DGKH: variants seen among roughly 807,000 people sequenced by gnomAD.
DGKH encodes diacylglycerol kinase eta.
Under a neutral mutation model 159.3 loss-of-function variants are expected in DGKH, and 90 were observed. The observed-to-expected ratio is 0.57, with a 90% CI of 0.48 to 0.67. The LOEUF is 0.67. Among genes scored for constraint, DGKH ranks in the 30% least tolerant of loss-of-function variants. The probability of loss-of-function intolerance (pLI) is 0.00; values close to 1 mark genes in which losing one functional copy is unlikely to be tolerated. For synonymous variants in DGKH, 536 were observed against 553.8 expected, an observed-to-expected ratio of 0.97 and a Z score of 0.45; for missense variants, 1,181 against 1,506.1, an observed-to-expected ratio of 0.78 and a Z score of 3.57.
At chr13:42,226,499 A>G (rs1438887537) in intron 29 of DGKH, among the ~76,000 whole-genome samples, 1 of 152,220 alleles carries the variant, frequency 6.6e-6, no homozygotes, top group South Asian at 2.1e-4. Context: ...ATGCACACAT[A>G]TGTTCATTGC....
intron 1 of DGKH, among the ~76,000 whole-genome samples, chr13:42,101,384 T>C (rs1007110927): frequency 2.6e-5 from 4 of 152,358 alleles, no homozygotes; most frequent in African/African-American, 9.6e-5. Flanking sequence ...CTGTGCTGTC[T>C]AGTACAGTAG....
chr13:42,103,591 G>A (rs1026112604), intron 1 of DGKH, among the ~76,000 whole-genome samples: 1 of 152,104 alleles, frequency 6.6e-6, no homozygotes, highest in African/African-American at 2.4e-5. Flanking sequence ...CAGAAAAAGG[G>A]TTCTCTCTTG....
chr13:42,153,277 T>C (rs1053954002), intron 3 of DGKH, among the ~76,000 whole-genome samples: 1 of 152,236 alleles, frequency 6.6e-6, no homozygotes, highest in Non-Finnish European at 1.5e-5. Context: ...TTTATCCTTC[T>C]TTCTCCCCTT....
At chr13:42,216,840 C>T (rs985815129) in intron 26 of DGKH, among the ~76,000 whole-genome samples, 3 of 152,158 alleles carry the variant, frequency 2.0e-5, no homozygotes, top group African/African-American at 7.2e-5. Flanking sequence ...TGTTTTTAAC[C>T]AGAATCTTCT....
Position 42,159,252 on chromosome 13 carries a change from T to TTTTTTTTTTTTTTTTTTTTG in DGKH, c.623-3_623-2insTTTTTTTTGTTTTTTTTTTT. 1 of 919,870 alleles carries TTTTTTTTTTTTTTTTTTTTG rather than the reference T, an allele frequency of 1.1e-6. No homozygotes were observed. The highest frequency in any genetic ancestry group is 1.5e-6 in the Non-Finnish European group (1 of 649,150). 57.0% of individuals were successfully genotyped at this position (919,870 alleles called of 1,614,324 possible). On this transcript the variant is annotated splice_polypyrimidine_tract_variant and intron_variant, in intron 5 of 29. Transcript: ENST00000337343. ...ACTTAAAAGCAGTTGCTCTTTTTTT[T>TTTTTTTTTTTTTTTTTTTTG]TTTTTTTTTTTAGTGTGTAAATTCA...
Position 42,159,272 on chromosome 13 carries a change from A to AATTCAAG in DGKH, c.630_636dup (p.Ala213IlefsTer14), listed in dbSNP as rs747306791. 4.9e-6 allele frequency: 1 copy of AATTCAAG among 205,808 alleles called. No individual in the cohort carries two copies. 12.7% of individuals were successfully genotyped at this position (205,808 alleles called of 1,614,324 possible). The stretch of plus-strand genomic sequence containing the variant: ...TTTTTTTTTTTTTTTTTAGTGTGTA[A>AATTCAAG]ATTCAAGGCTCACAAAAGATGTGCA... On this transcript the variant is annotated frameshift_variant, in exon 6 of 30. Coordinates refer to ENST00000337343, the MANE Select transcript of DGKH (RefSeq NM_178009.5). LOFTEE classifies it high-confidence loss of function.
Position 42,242,003 on chromosome 13 carries a change from C to T in DGKH, c.*12815C>T, listed in dbSNP as rs1377218846. On this transcript the variant is annotated 3_prime_UTR_variant, in exon 30 of 30. Transcript: ENST00000337343. ...AGGCATATTTTGAAGTCATTGTTTT[C>T]CATCAGTATTAAGTATCATCCATTT... 2 of 152,118 alleles carry T rather than the reference C, an allele frequency of 1.3e-5. No homozygotes were observed. Among genetic ancestry groups the T allele is most frequent in the African/African-American group, 2.4e-5 (1 of 41,424 alleles). 9.4% of individuals were successfully genotyped at this position (152,118 alleles called of 1,614,324 possible). A position where few individuals can be genotyped will look rare whatever the true frequency, so the allele number is the denominator to read the frequency against.
chr13:42,111,082 A>C (rs1030279389), intron 1 of DGKH, among the ~76,000 whole-genome samples: 14 of 152,230 alleles, frequency 9.2e-5, no homozygotes, highest in Non-Finnish European at 2.1e-4. Context: ...AGAAAAATAC[A>C]TTCAGAAACT....
intron 1 of DGKH, among the ~76,000 whole-genome samples, chr13:42,126,705 A>G (rs656490): frequency 0.37 from 56,598 of 151,924 alleles, 10,979 homozygotes; most frequent in African/African-American, 0.45. Context: ...TCAAATATCC[A>G]TGTTGTTTTA....
chr13:42,073,005 A>AT (rs1376713469), intron 1 of DGKH, among the ~76,000 whole-genome samples: 1 of 151,862 alleles, frequency 6.6e-6, no homozygotes, highest in African/African-American at 2.4e-5. Context: ...ATATTTGTCT[A>AT]TTTTTTTCCC....
At chr13:42,076,395 T>A (rs1954100729) in intron 1 of DGKH, among the ~76,000 whole-genome samples, 1 of 152,206 alleles carries the variant, frequency 6.6e-6, no homozygotes, top group Non-Finnish European at 1.5e-5. Flanking sequence ...CCTGTCATAT[T>A]CTTGTCACGC....
chr13:42,215,517 TG>T, intron 25 of DGKH, 57 bp from the exon 26 acceptor site: 1 of 1,269,070 alleles, frequency 7.9e-7, no homozygotes, highest in Non-Finnish European at 1.1e-6. Flanking sequence ...AAAGTGTTTA[TG>T]GTAATGAAAT....
At chr13:42,155,564 A>T in intron 4 of DGKH, 103 bp from the exon 5 acceptor site, 4 of 1,567,908 alleles carry the variant, frequency 2.6e-6, no homozygotes, top group Non-Finnish European at 3.5e-6. Context: ...TTTAAAAATG[A>T]TGGATTTGAA....
At chr13:42,108,489 G>A (rs117889227) in intron 1 of DGKH, among the ~76,000 whole-genome samples, 3,276 of 152,280 alleles carry the variant, frequency 0.022, 49 homozygotes, top group Middle Eastern at 0.048. Context: ...TTTACCCAGT[G>A]CCGTGTAGTT....
chr13:42,113,452 A>C (rs1954905947), intron 1 of DGKH, among the ~76,000 whole-genome samples: 1 of 152,328 alleles, frequency 6.6e-6, no homozygotes, highest in African/African-American at 2.4e-5. Context: ...CAACTGGCTT[A>C]TTTAATAGAG....
chr13:42,168,193 T>A (rs539631721), intron 9 of DGKH, among the ~76,000 whole-genome samples: 2 of 152,338 alleles, frequency 1.3e-5, no homozygotes, highest in South Asian at 4.1e-4. Context: ...CTTTTTTGTT[T>A]TCTCATTTCT....
In DGKH at chr13:42,229,176, G is replaced by A; in HGVS notation, c.3651G>A (p.Gln1217=). 6.2e-7 allele frequency: 1 copy of A among 1,609,426 alleles called. No individual in the cohort carries two copies. The highest frequency in any genetic ancestry group is 8.5e-7 in the Non-Finnish European group (1 of 1,178,782). The change falls in exon 30 of 30, where the codon CAG becomes CAA. Residue 1217 remains glutamine, a synonymous_variant. Transcript: ENST00000337343. ...GIKELGRSTP[Q]SEV Reference sequence around the variant, plus strand: ...AAGAGCTTGGAAGGAGCACTCCACAGTCGGAGGTGTAATCATATTGGTGCT... The same window carrying A: ...AAGAGCTTGGAAGGAGCACTCCACAATCGGAGGTGTAATCATATTGGTGCT...
intron 3 of DGKH, among the ~76,000 whole-genome samples, chr13:42,151,607 A>ACG (rs1955903393): frequency 7.5e-6 from 1 of 132,640 alleles, no homozygotes; most frequent in Non-Finnish European, 1.7e-5. Context: ...ACACACACAC[A>ACG]CACACACCCC....
Position 42,076,470 on chromosome 13 carries a change from A to G in DGKH, c.192+27505A>G, listed in dbSNP as rs530902608. 4.4e-4 allele frequency among the ~76,000 whole-genome samples: 67 copies of G among 152,276 alleles called. 1 individual carries two copies. The South Asian group carries it at 0.013, about 31-fold the overall frequency. On this transcript the variant is annotated intron_variant, in intron 1 of 29. Coordinates refer to ENST00000337343, the MANE Select transcript of DGKH (RefSeq NM_178009.5). ...AGAGAGAAAAGAAAATCAACCCCCA[A>G]CATAGAGCTGGAGGGAGAAAGACAC...
Sources: allele counts gnomAD v4.1 joint callset (sites outside exome capture counted in the v4.1 genomes callset), GRCh38; gene constraint gnomAD v4.1.1; transcripts MANE v1.5; gene names NCBI Gene and HGNC (gene_info 2026-07-23, HGNC 2026-07-21).